Variants in SNAPC4 observed in about 807,000 individuals in gnomAD.
SNAPC4 encodes the protein small nuclear RNA activating complex polypeptide 4, also known as snRNA-activating protein complex subunit 4.
Under a neutral mutation model 151.3 loss-of-function variants are expected in SNAPC4, and 127 were observed. That is an observed-to-expected ratio of 0.84 (90% CI 0.73 to 0.97). The LOEUF is 0.97. SNAPC4 is among the 50% of genes least tolerant of loss of function. SNAPC4 has a pLI of 0.00. For synonymous variants in SNAPC4, 1,002 were observed against 824.4 expected (o/e 1.22, Z -3.69); for missense variants, 2,186 against 1,935.0 (o/e 1.13, Z -2.43).
chr9:136,392,389 C>T (rs1834108809), intron 9 of SNAPC4, 133 bp downstream of exon 9: 3 of 941,356 alleles, frequency 3.2e-6, no homozygotes, highest in South Asian at 1.4e-5. Context: ...TGTGCTTGAC[C>T]CGGGTGGGTG....
chr9:136,382,608 C>T (rs559887161), intron 16 of SNAPC4, among the ~76,000 whole-genome samples: 1 of 152,336 alleles, frequency 6.6e-6, no homozygotes, highest in Non-Finnish European at 1.5e-5. Flanking sequence ...CCAGGTGACG[C>T]CCCGGCCTAG....
intron 10 of SNAPC4, among the ~76,000 whole-genome samples, chr9:136,390,662 C>T (rs1834038631): frequency 6.6e-6 from 1 of 150,908 alleles, no homozygotes; most frequent in Non-Finnish European, 1.5e-5. Context: ...ACCACCATGG[C>T]ACACGCTCAC....
Position 136,387,583 on chromosome 9 carries a change from C to G in SNAPC4, c.1231-4G>C, listed in dbSNP as rs921744112. 13 of 1,605,714 alleles carry G rather than the reference C, an allele frequency of 8.1e-6. No homozygotes were observed. Among genetic ancestry groups the G allele is most frequent in the Non-Finnish European group, 1.1e-5 (13 of 1,172,500 alleles). On this transcript the variant is annotated splice_polypyrimidine_tract_variant and splice_region_variant and intron_variant, in intron 12 of 23. Transcript: ENST00000684778. ...TGGCAACAGCTTGAAGCAACTTCTGCAGGAAGGGACAGGCAGACAAGTGAA... is the reference window on the plus strand; with the variant it reads ...TGGCAACAGCTTGAAGCAACTTCTGGAGGAAGGGACAGGCAGACAAGTGAA...
At position 136,379,314 on chromosome 9, in the gene SNAPC4, G is replaced by C; in HGVS notation, c.2528-15C>G. ...GAAGAGGTGGCCTGTGGGGAGGAAA[G>C]ACCCACACTTGATAAGCCCCAGGCA... On this transcript the variant is annotated splice_polypyrimidine_tract_variant and intron_variant, in intron 21 of 23. Coordinates refer to ENST00000684778, the MANE Select transcript of SNAPC4 (RefSeq NM_003086.4). 6.2e-7 allele frequency: 1 copy of C among 1,612,092 alleles called. No individual in the cohort carries two copies.
chr9:136,395,646 A>G lies in SNAPC4; in HGVS notation c.302T>C (p.Leu101Pro). 1 of 1,612,948 alleles carries G rather than the reference A, an allele frequency of 6.2e-7. No homozygotes were observed. Among genetic ancestry groups the G allele is most frequent in the Non-Finnish European group, 8.5e-7 (1 of 1,179,924 alleles). ...MVYQEVIQEKLAEANLLLAQN... is the reference protein window; with the variant it reads ...MVYQEVIQEKPAEANLLLAQN... ...GGCCAGCAGCAGGTTGGCCTCAGCC[A>G]GCTTCTCCTGGATGACCTCCTGGTA... Residue 101 changes from leucine (L) to proline (P), a missense_variant, in exon 4 of 24, where the codon CTG (leucine) becomes CCG (proline). Coordinates refer to ENST00000684778, the MANE Select transcript of SNAPC4 (RefSeq NM_003086.4).
chr9:136,381,787 GC>G, intron 18 of SNAPC4, 36 bp downstream of exon 18: 2 of 1,589,066 alleles, frequency 1.3e-6, no homozygotes, highest in Middle Eastern at 1.7e-4. Context: ...CTCACCCCTC[GC>G]CCCCAGGATG....
rs747315063 is a variant in SNAPC4 at position 136,379,266 on chromosome 9, G to A, written c.2561C>T (p.Ala854Val). The A allele has an allele frequency of 3.7e-6, 6 of 1,612,638 alleles. No homozygotes were observed. In the South Asian group the frequency reaches 4.4e-5, roughly 12 times the overall value. ...CCCTTTGTGGCTGGCACTCTTTGAG[G>A]CTTCTTGAGCCGGCACGTTTGGGAA... Reference protein sequence around the residue: ...HLFPNVPAQEASKSASHKGSR... With the variant: ...HLFPNVPAQEVSKSASHKGSR... The change falls in exon 22 of 24, where the codon GCC (alanine) becomes GTC (valine). Residue 854 changes from alanine (A) to valine (V), a missense_variant. Transcript: ENST00000684778.
intron 10 of SNAPC4, 44 bp downstream of exon 10, chr9:136,391,898 G>A (rs753350179): frequency 7.0e-6 from 11 of 1,581,082 alleles, no homozygotes; most frequent in Admixed American, 1.7e-5. Context: ...GGGCCCACAC[G>A]CCCTCAGGTC....
At position 136,384,776 on chromosome 9, in the gene SNAPC4, C is replaced by A; in HGVS notation, c.1364G>T (p.Arg455Leu). Residue 455 changes from arginine (R) to leucine (L), a missense_variant, in exon 14 of 24, where the codon CGG (arginine) becomes CTG (leucine). Transcript: ENST00000684778. The stretch of plus-strand genomic sequence containing the variant: ...CTGTTCCTCTTCTTTTAAATTCCAC[C>A]GACCCTTTTTCAAGCTGAAATGTAA... ...RRLHFSLKKG[R>L]WNLKEEEQLI... is the part of the protein sequence containing the mutation. 1 of 1,596,650 alleles carries A rather than the reference C, an allele frequency of 6.3e-7. No individual in the cohort carries two copies. Among genetic ancestry groups the A allele is most frequent in the Non-Finnish European group, 8.5e-7 (1 of 1,169,612 alleles).
chr9:136,378,562 G>C lies in SNAPC4; in HGVS notation c.3265C>G (p.Pro1089Ala). ...GGAAGGCTCACCACAGCTGGTACAGGAACAGGGAGAAGCCCCTGGGCTGTG... is the reference window on the plus strand; with the variant it reads ...GGAAGGCTCACCACAGCTGGTACAGCAACAGGGAGAAGCCCCTGGGCTGTG... ...VLTAQGLLPVPVPAVVSLPRP... is the reference protein window; with the variant it reads ...VLTAQGLLPVAVPAVVSLPRP... The change falls in exon 22 of 24, where the codon CCT (proline) becomes GCT (alanine). Residue 1089 changes from proline (P) to alanine (A), a missense_variant. By Grantham distance (27) the Pro-to-Ala change is conservative (BLOSUM62 -1). Coordinates refer to ENST00000684778, the MANE Select transcript of SNAPC4 (RefSeq NM_003086.4). 4 of 1,591,680 alleles carry C rather than the reference G, an allele frequency of 2.5e-6. No individual in the cohort carries two copies. Among genetic ancestry groups the C allele is most frequent in the Non-Finnish European group, 3.4e-6 (4 of 1,172,832 alleles).
intron 21 of SNAPC4, 130 bp downstream of exon 21, chr9:136,379,706 GA>G: frequency 1.2e-6 from 1 of 860,700 alleles, no homozygotes; most frequent in Non-Finnish European, 1.9e-6. Flanking sequence ...GGACTCGAGG[GA>G]GCTCTGTCAC....
chr9:136,378,305 G>A lies in SNAPC4; in HGVS notation c.3522C>T (p.Val1174=). 1.2e-6 allele frequency: 2 copies of A among 1,604,174 alleles called. No homozygotes were observed. The highest frequency in any genetic ancestry group is 1.1e-5 in the South Asian group (1 of 89,540). ...CCCTGGCCACCTGGGCCTCTCCAGG[G>A]ACAAAGGCCACACTGCCATCCGCTT... ...PAEADGSVAF[V]PGEAQVAREI... is the part of the protein sequence containing the mutation. The change falls in exon 22 of 24, where the codon GTC becomes GTT. Residue 1174 remains valine (V), a synonymous_variant. Coordinates refer to ENST00000684778, the MANE Select transcript of SNAPC4 (RefSeq NM_003086.4).
chr9:136,394,778 C>A, intron 6 of SNAPC4, 22 bp downstream of exon 6: 1 of 1,611,038 alleles, frequency 6.2e-7, no homozygotes, highest in Non-Finnish European at 8.5e-7. Flanking sequence ...AGGGGTGCCG[C>A]AGGGCCGGCC....
chr9:136,391,187 C>T (rs1834061373), intron 10 of SNAPC4, among the ~76,000 whole-genome samples: 1 of 152,098 alleles, frequency 6.6e-6, no homozygotes, highest in African/African-American at 2.4e-5. Flanking sequence ...TAGAGTAGGC[C>T]CTACTTACAG....
intron 7 of SNAPC4, among the ~76,000 whole-genome samples, chr9:136,393,111 C>T (rs1588763639): frequency 1.3e-5 from 2 of 152,228 alleles, no homozygotes; most frequent in African/African-American, 2.4e-5. Context: ...GATATCCTGA[C>T]TGGTGCCCAG....
chr9:136,386,429 A>G (rs1028122061), intron 13 of SNAPC4, among the ~76,000 whole-genome samples: 1 of 144,710 alleles, frequency 6.9e-6, no homozygotes, highest in Non-Finnish European at 1.5e-5. Context: ...CTACCTCTAC[A>G]CTTCATTTTT....
At position 136,376,453 on chromosome 9, in the gene SNAPC4, G is replaced by C; in HGVS notation, c.4313C>G (p.Ala1438Gly). Residue 1438 changes from alanine to glycine, a missense_variant, in exon 23 of 24, where the codon GCT (alanine) becomes GGT (glycine). Physicochemically the swap from Ala to Gly is moderately conservative, Grantham distance 60 (BLOSUM62 0). Coordinates refer to ENST00000684778, the MANE Select transcript of SNAPC4 (RefSeq NM_003086.4). ...ATTAGAAGTATCCAGGCAGGAGGAA[G>C]CAGAGCATTTACCAGAGTCTGGGGC... ...QGAPDSGKCS[A>G]SSCLDTSNDP... 1.2e-6 allele frequency: 2 copies of C among 1,613,396 alleles called. No homozygotes were observed. The highest frequency in any genetic ancestry group is 1.7e-6 in the Non-Finnish European group (2 of 1,179,870).
chr9:136,384,575 A>C (rs1833823768), intron 14 of SNAPC4, 145 bp downstream of exon 14: 6 of 517,482 alleles, frequency 1.2e-5, no homozygotes, highest in Non-Finnish European at 1.4e-5. Context: ...CTTGAGCCCA[A>C]AAGTTTGAGG....
chr9:136,395,256 G>A (rs747379242), intron 5 of SNAPC4, 42 bp downstream of exon 5: 5 of 1,602,478 alleles, frequency 3.1e-6, no homozygotes, highest in African/African-American at 1.3e-5. Flanking sequence ...CCTTCCCACG[G>A]TGCAGAGCCT....
Sources: gnomAD v4.1 joint callset for allele counts (sites outside exome capture counted in the v4.1 genomes callset) on GRCh38, gnomAD v4.1.1 for gene constraint, MANE v1.5 for transcripts, NCBI Gene and HGNC (gene_info 2026-07-23, HGNC 2026-07-21) for gene names.